Variants in LHFPL3 observed in about 807,000 individuals in gnomAD.
LHFPL3 encodes LHFPL tetraspan subfamily member 3, also known as LHFPL tetraspan subfamily member 3 protein.
In LHFPL3, 5 loss-of-function variants were observed where a neutral mutation model predicts 19.3. That is an observed-to-expected ratio of 0.26 (90% confidence interval 0.14 to 0.54). LHFPL3 has a LOEUF of 0.54. LHFPL3 is among the 20% of genes least tolerant of loss of function. LHFPL3 has a pLI of 0.94. For synonymous variants in LHFPL3, 133 were observed against 126.2 expected (o/e 1.05, Z -0.36); for missense variants, 249 against 307.4 (o/e 0.81, Z 1.42).
intron 1 of LHFPL3, among the ~76,000 whole-genome samples, chr7:104,715,965 T>G (rs1793377591): frequency 6.6e-6 from 1 of 152,176 alleles, no homozygotes; most frequent in South Asian, 2.1e-4. Flanking sequence ...TGAGAAGGAT[T>G]AGGCATTAAT....
chr7:104,797,464 G>T (rs1302009378), intron 2 of LHFPL3, among the ~76,000 whole-genome samples: 2 of 152,168 alleles, frequency 1.3e-5, no homozygotes, highest in Non-Finnish European at 2.9e-5. Context: ...AGCAGCTCAG[G>T]TGGTAGCTGC....
At chr7:104,812,675 G>A (rs186079712) in intron 2 of LHFPL3, among the ~76,000 whole-genome samples, 55 of 151,018 alleles carry the variant, frequency 3.6e-4, no homozygotes, top group Non-Finnish European at 8.9e-5. Flanking sequence ...GAGGTGTCAG[G>A]CACCTGTAAT....
intron 1 of LHFPL3, among the ~76,000 whole-genome samples, chr7:104,615,173 A>G (rs953123332): frequency 1.3e-5 from 2 of 152,206 alleles, no homozygotes; most frequent in African/African-American, 4.8e-5. Context: ...GCTCAAAATA[A>G]TATGTTTTCT....
At chr7:104,369,254 C>T (rs926549703) in intron 1 of LHFPL3, among the ~76,000 whole-genome samples, 13 of 152,142 alleles carry the variant, frequency 8.5e-5, no homozygotes, top group African/African-American at 3.1e-4. Flanking sequence ...CCTCATGCAA[C>T]CACTGATCTG....
intron 2 of LHFPL3, chr7:104,799,470 G>A (rs552724385): frequency 1.1e-4 from 17 of 152,444 alleles, no homozygotes; most frequent in African/African-American, 3.8e-4. Context: ...TTCTGGGTCT[G>A]TCTGGTCAAC....
intron 1 of LHFPL3, among the ~76,000 whole-genome samples, chr7:104,725,592 C>T (rs1440554305): frequency 6.6e-6 from 1 of 152,202 alleles, no homozygotes; most frequent in East Asian, 1.9e-4. Flanking sequence ...CTTCTGCATC[C>T]TCCAAAATAA....
chr7:104,745,480 G>A (rs1794023895), intron 2 of LHFPL3, among the ~76,000 whole-genome samples: 1 of 152,208 alleles, frequency 6.6e-6, no homozygotes. Flanking sequence ...AATATAGTAT[G>A]TTTCAAAAAT....
intron 1 of LHFPL3, among the ~76,000 whole-genome samples, chr7:104,524,038 C>T (rs1794134633): frequency 6.6e-6 from 1 of 152,134 alleles, no homozygotes; most frequent in Non-Finnish European, 1.5e-5. Context: ...AGAATCTTGA[C>T]AGACTTAATA....
intron 1 of LHFPL3, chr7:104,669,675 C>G: frequency 7.8e-7 from 1 of 1,288,048 alleles, no homozygotes; most frequent in Non-Finnish European, 1.1e-6. Flanking sequence ...TAAAACTCAC[C>G]ATCTCCTGAA....
chr7:104,572,955 A>C (rs143915119), intron 1 of LHFPL3, among the ~76,000 whole-genome samples: 572 of 152,324 alleles, frequency 3.8e-3, no homozygotes, highest in African/African-American at 0.013. Flanking sequence ...CTTTTGATTG[A>C]CCACTAAATT....
At chr7:104,869,351 G>C (rs1379238784) in intron 2 of LHFPL3, among the ~76,000 whole-genome samples, 1 of 151,934 alleles carries the variant, frequency 6.6e-6, no homozygotes, top group African/African-American at 2.4e-5. Flanking sequence ...TCTGACAAAG[G>C]GCTAATATCC....
In LHFPL3 at chr7:104,667,950, A is replaced by G. The variant is rs1351744479; in HGVS notation, c.446-68725A>G. The G allele has an allele frequency of 8.7e-6, 14 of 1,613,228 alleles. No homozygotes were observed. The Admixed American group carries it at 1.8e-4, about 21-fold the overall frequency. On this transcript the variant is annotated intron_variant, in intron 1 of 2. Coordinates refer to ENST00000424859, the MANE Select transcript of LHFPL3 (RefSeq NM_199000.3). ...TGACGATGTGTACAGGGCGCCTCCA[A>G]TTGACCGTTCCATCCTTCCCACTGC...
At chr7:104,876,136 G>T (rs888634891) in intron 2 of LHFPL3, among the ~76,000 whole-genome samples, 2 of 152,032 alleles carry the variant, frequency 1.3e-5, no homozygotes, top group African/African-American at 2.4e-5. Flanking sequence ...AATTCAAGAT[G>T]GATTAAAGAC....
In LHFPL3 at chr7:104,773,225, C is replaced by T. The variant is rs375357692; in HGVS notation, c.682+36314C>T. 2.7e-3 allele frequency among the ~76,000 whole-genome samples: 413 copies of T among 152,298 alleles called. 1 individual carries two copies. The highest frequency in any genetic ancestry group is 9.2e-3 in the African/African-American group (383 of 41,564). ...GTGAGGGGCCACTGGCTGGACTTCA[C>T]CCCCCATCCTGGCAAGCTAACCAAG... On this transcript the variant is annotated intron_variant, in intron 2 of 2. Transcript: ENST00000424859.
At chr7:104,379,708 G>A (rs1056424538) in intron 1 of LHFPL3, among the ~76,000 whole-genome samples, 7 of 152,252 alleles carry the variant, frequency 4.6e-5, no homozygotes, top group African/African-American at 1.4e-4. Flanking sequence ...GAAGTTTCAC[G>A]GAAATGTGGA....
At chr7:104,444,831 A>T (rs1316874685) in intron 1 of LHFPL3, among the ~76,000 whole-genome samples, 1 of 152,150 alleles carries the variant, frequency 6.6e-6, no homozygotes, top group Non-Finnish European at 1.5e-5. Flanking sequence ...TCTACAAAAA[A>T]TACAAAATTA....
intron 2 of LHFPL3, among the ~76,000 whole-genome samples, chr7:104,888,042 T>C (rs1792180177): frequency 6.6e-6 from 1 of 152,222 alleles, no homozygotes; most frequent in African/African-American, 2.4e-5. Context: ...CTTCATCTGC[T>C]GTGGGCTGAT....
rs115688184 is a variant in LHFPL3 at position 104,694,609 on chromosome 7, C to T, written c.446-42066C>T. On this transcript the variant is annotated intron_variant, in intron 1 of 2. Coordinates refer to ENST00000424859, the MANE Select transcript of LHFPL3 (RefSeq NM_199000.3). ...CAATGTCAAAACAGAATGAAAAATACAGAGTTTTATGGATGTCTACCACTA... is the reference window on the plus strand; with the variant it reads ...CAATGTCAAAACAGAATGAAAAATATAGAGTTTTATGGATGTCTACCACTA... 2.7e-3 allele frequency among the ~76,000 whole-genome samples: 411 copies of T among 152,052 alleles called. 1 individual carries two copies. Among genetic ancestry groups the T allele is most frequent in the African/African-American group, 9.5e-3 (395 of 41,492 alleles).
chr7:104,588,770 A>G (rs1790640775), intron 1 of LHFPL3, among the ~76,000 whole-genome samples: 1 of 151,940 alleles, frequency 6.6e-6, no homozygotes, highest in African/African-American at 2.4e-5. Flanking sequence ...TCTTCCATTT[A>G]TTTGTGTCTT....
Sources: allele counts gnomAD v4.1 joint callset (sites outside exome capture counted in the v4.1 genomes callset), GRCh38; gene constraint gnomAD v4.1.1; transcripts MANE v1.5; gene names NCBI Gene and HGNC (gene_info 2026-07-23, HGNC 2026-07-21).